The following CPEB3 variants were observed in gnomAD, a reference collection of about 807,000 sequenced individuals.
CPEB3 encodes cytoplasmic polyadenylation element-binding protein 3.
In CPEB3, 20 loss-of-function variants were observed where a neutral mutation model predicts 67.2. The observed-to-expected ratio is 0.30, with a 90% confidence interval of 0.21 to 0.43. The LOEUF is 0.43. CPEB3 is among the 20% of genes least tolerant of loss of function. The pLI is 1.00. For missense variants in CPEB3, 746 were observed against 968.6 expected (o/e 0.77, Z 3.05); for synonymous variants, 376 against 393.1 (o/e 0.96, Z 0.51).
intron 2 of CPEB3, among the ~76,000 whole-genome samples, chr10:92,194,816 C>T (rs1450895758): frequency 3.3e-5 from 5 of 151,826 alleles, no homozygotes; most frequent in East Asian, 1.9e-4. Context: ...CTGAGGCGGG[C>T]GGATCACGAG....
At chr10:92,104,536 G>A (rs1469525045) in intron 7 of CPEB3, among the ~76,000 whole-genome samples, 1 of 151,900 alleles carries the variant, frequency 6.6e-6, no homozygotes, top group Admixed American at 6.6e-5. Flanking sequence ...ACAGGCACCT[G>A]CCACCACGCC....
At chr10:92,104,991 C>CA (rs1393069054) in intron 7 of CPEB3, among the ~76,000 whole-genome samples, 10 of 152,020 alleles carry the variant, frequency 6.6e-5, no homozygotes, top group African/African-American at 1.7e-4. Context: ...GCCTCGGACT[C>CA]CTGACCTCAA....
chr10:92,080,352 G>T (rs1843098901), intron 9 of CPEB3, among the ~76,000 whole-genome samples: 1 of 152,094 alleles, frequency 6.6e-6, no homozygotes, highest in Non-Finnish European at 1.5e-5. Flanking sequence ...TTAAACTCAT[G>T]CCAATCTGCA....
intron 1 of CPEB3, among the ~76,000 whole-genome samples, chr10:92,274,890 C>T (rs1169817650): frequency 6.6e-6 from 1 of 152,118 alleles, no homozygotes; most frequent in Non-Finnish European, 1.5e-5. Context: ...TTAAGGTATA[C>T]TGTCCTCATT....
intron 9 of CPEB3, among the ~76,000 whole-genome samples, chr10:92,065,673 A>C (rs941665014): frequency 2.0e-5 from 3 of 152,168 alleles, no homozygotes; most frequent in Non-Finnish European, 2.9e-5. Context: ...AAGTTTAATA[A>C]ATTACATTTA....
Position 92,214,488 on chromosome 10 carries a change from A to AT in CPEB3, c.1006-21853dup, listed in dbSNP as rs879681868. 1.5e-3 allele frequency among the ~76,000 whole-genome samples: 225 copies of AT among 147,698 alleles called. 1 individual carries two copies. The highest frequency in any genetic ancestry group is 6.3e-3 in the East Asian group (32 of 5,088). ...CACAAATGAACTAAGATACCACTCA[A>AT]TTTTTTTTTTTTAAGATGAAGTCTC... On this transcript the variant is annotated intron_variant, in intron 2 of 9. Coordinates refer to ENST00000265997, the MANE Select transcript of CPEB3 (RefSeq NM_014912.5).
intron 6 of CPEB3, among the ~76,000 whole-genome samples, chr10:92,126,380 C>T (rs1246648593): frequency 6.6e-6 from 1 of 152,114 alleles, no homozygotes; most frequent in African/African-American, 2.4e-5. Flanking sequence ...AACTCAACTA[C>T]CAAGCAGTTC....
At chr10:92,181,367 CAAAAA>C (rs55896574) in intron 3 of CPEB3, among the ~76,000 whole-genome samples, 2 of 95,404 alleles carry the variant, frequency 2.1e-5, no homozygotes, top group Middle Eastern at 5.6e-3. Flanking sequence ...ATTCAAGCAG[CAAAAA>C]AAAAAAAAAA....
intron 4 of CPEB3, among the ~76,000 whole-genome samples, chr10:92,180,444 T>C (rs780620991): frequency 9.2e-5 from 14 of 152,166 alleles, no homozygotes; most frequent in Non-Finnish European, 1.5e-4. Flanking sequence ...CCTCCTTCAT[T>C]CCTCCAACCC....
chr10:92,204,836 C>CTTT (rs750482213), intron 2 of CPEB3, among the ~76,000 whole-genome samples: 53 of 125,040 alleles, frequency 4.2e-4, no homozygotes, highest in Middle Eastern at 4.3e-3. Context: ...ATCTTAACCA[C>CTTT]TTTTTTTTTT....
intron 6 of CPEB3, among the ~76,000 whole-genome samples, chr10:92,126,121 A>C (rs1383760357): frequency 6.6e-6 from 1 of 152,196 alleles, no homozygotes; most frequent in Non-Finnish European, 1.5e-5. Context: ...TGGGTCAATC[A>C]AATTCCCTCT....
chr10:92,160,739 G>A (rs972970041), intron 4 of CPEB3, among the ~76,000 whole-genome samples: 26 of 152,288 alleles, frequency 1.7e-4, no homozygotes, highest in South Asian at 4.1e-4. Flanking sequence ...ACCCATAAAG[G>A]ATAAAGGAGA....
chr10:92,093,877 C>A (rs1294236153), intron 7 of CPEB3, among the ~76,000 whole-genome samples: 1 of 150,010 alleles, frequency 6.7e-6, no homozygotes, highest in Non-Finnish European at 1.5e-5. Context: ...TTATTTGAGA[C>A]AGAGTGTTGC....
intron 8 of CPEB3, among the ~76,000 whole-genome samples, chr10:92,081,761 G>A (rs1020046090): frequency 6.6e-6 from 1 of 152,172 alleles, no homozygotes; most frequent in Non-Finnish European, 1.5e-5. Flanking sequence ...TTTAGCAGTA[G>A]TATAGAAGAA....
chr10:92,101,618 A>T (rs759724361), intron 7 of CPEB3, among the ~76,000 whole-genome samples: 3 of 152,038 alleles, frequency 2.0e-5, no homozygotes, highest in East Asian at 1.9e-4. Context: ...GAAATAAACT[A>T]GTTTGTGGCC....
intron 1 of CPEB3, among the ~76,000 whole-genome samples, chr10:92,275,248 C>T (rs1841926691): frequency 6.6e-6 from 1 of 152,206 alleles, no homozygotes; most frequent in Non-Finnish European, 1.5e-5. Context: ...TATCCTTGGT[C>T]TCTACCCATC....
Position 92,113,392 on chromosome 10 carries a change from G to A in CPEB3, c.1454-2198C>T, listed in dbSNP as rs547456402. ...GAGAACATTAATTCTACTTACTAAA[G>A]ATAATATTAGAGATAAGGTGGGTTA... On this transcript the variant is annotated intron_variant, in intron 6 of 9. Coordinates refer to ENST00000265997, the MANE Select transcript of CPEB3 (RefSeq NM_014912.5). 9.7e-4 allele frequency among the ~76,000 whole-genome samples: 147 copies of A among 152,238 alleles called. 2 individuals carry two copies. The South Asian group carries it at 0.029, about 30-fold the overall frequency.
intron 6 of CPEB3, among the ~76,000 whole-genome samples, chr10:92,129,338 C>T (rs1672070526): frequency 6.6e-6 from 1 of 151,910 alleles, no homozygotes; most frequent in South Asian, 2.1e-4. Flanking sequence ...GACACTGGGG[C>T]CTATCGGAGG....
At chr10:92,273,695 AAATT>A (rs1258393575) in intron 1 of CPEB3, among the ~76,000 whole-genome samples, 1 of 152,178 alleles carries the variant, frequency 6.6e-6, no homozygotes, top group Non-Finnish European at 1.5e-5. Context: ...AGATTGACAA[AAATT>A]AATACCTATT....
Sources: gnomAD v4.1 joint callset for allele counts (sites outside exome capture counted in the v4.1 genomes callset) on GRCh38, gnomAD v4.1.1 for gene constraint, MANE v1.5 for transcripts, NCBI Gene and HGNC (gene_info 2026-07-23, HGNC 2026-07-21) for gene names.